CRIM1: variants seen among roughly 807,000 people sequenced by gnomAD.
CRIM1 encodes the protein cysteine-rich motor neuron 1 protein.
A neutral mutation model predicts 116.4 loss-of-function variants in CRIM1; 32 were observed. The ratio of observed to expected loss-of-function variants is 0.27; its 90% CI spans 0.21 to 0.37. CRIM1 has a LOEUF of 0.37. Ranked by LOEUF, CRIM1 falls within the 10% of genes least tolerant of loss-of-function variation. The pLI, the probability that CRIM1 is intolerant of heterozygous loss-of-function variation, is 1.00. For missense variants in CRIM1, 1,331 were observed against 1,354.8 expected (o/e 0.98, Z 0.28); for synonymous variants, 590 against 509.2 (o/e 1.16, Z -2.13).
At chr2:36,423,392 A>G (rs1193007801) in intron 2 of CRIM1, among the ~76,000 whole-genome samples, 1 of 152,084 alleles carries the variant, frequency 6.6e-6, no homozygotes, top group Non-Finnish European at 1.5e-5. Context: ...CTTGAGACAC[A>G]CCCTCTGCTC....
chr2:36,367,993 T>C (rs540966976), intron 1 of CRIM1, among the ~76,000 whole-genome samples: 2 of 152,304 alleles, frequency 1.3e-5, no homozygotes, highest in East Asian at 3.9e-4. Context: ...GGCCAAAACT[T>C]GCCCAAATTC....
chr2:36,392,232 A>T (rs1330235550), intron 1 of CRIM1, among the ~76,000 whole-genome samples: 2 of 152,238 alleles, frequency 1.3e-5, no homozygotes, highest in African/African-American at 2.4e-5. Flanking sequence ...ATTTGAATAT[A>T]TTTATGAAAT....
chr2:36,433,340 A>G (rs781381594), intron 2 of CRIM1, among the ~76,000 whole-genome samples: 2 of 152,148 alleles, frequency 1.3e-5, no homozygotes, highest in Non-Finnish European at 2.9e-5. Flanking sequence ...ATCGTTTGGG[A>G]AGAAAAGATG....
At chr2:36,485,017 A>T (rs1179984794) in intron 7 of CRIM1, among the ~76,000 whole-genome samples, 2 of 152,244 alleles carry the variant, frequency 1.3e-5, no homozygotes, top group Non-Finnish European at 2.9e-5. Context: ...CATAGTATTC[A>T]GTATTTTTTA....
chr2:36,482,534 A>G lies in CRIM1; in HGVS notation c.1372+2840A>G, dbSNP rs549096357. 6.6e-5 allele frequency among the ~76,000 whole-genome samples: 10 copies of G among 152,370 alleles called. No homozygotes were observed. In the South Asian group the frequency reaches 1.9e-3, roughly 28 times the overall value. On this transcript the variant is annotated intron_variant, in intron 7 of 16. Transcript: ENST00000280527. The stretch of plus-strand genomic sequence containing the variant: ...CAGTCATTCAATATCATACTTAAAT[A>G]TAATTTCAAATGATTTCAGAGTAGC...
At chr2:36,512,160 T>C in intron 9 of CRIM1, 113 bp from the exon 10 acceptor site, 1 of 1,281,190 alleles carries the variant, frequency 7.8e-7, no homozygotes, top group Non-Finnish European at 1.1e-6. Context: ...AGAGCAAAAG[T>C]CAAGTCATTC....
At chr2:36,501,752 G>A (rs1681017225) in intron 8 of CRIM1, among the ~76,000 whole-genome samples, 1 of 149,100 alleles carries the variant, frequency 6.7e-6, no homozygotes, top group African/African-American at 2.5e-5. Flanking sequence ...AAAAACTCTT[G>A]TTGAGCTTGT....
chr2:36,386,668 A>G (rs1228214358), intron 1 of CRIM1, among the ~76,000 whole-genome samples: 2 of 152,240 alleles, frequency 1.3e-5, no homozygotes, highest in African/African-American at 4.8e-5. Flanking sequence ...AGTGATGAAG[A>G]GTAAAAAGTA....
chr2:36,503,879 A>G (rs1238356820), intron 8 of CRIM1, among the ~76,000 whole-genome samples: 2 of 149,354 alleles, frequency 1.3e-5, no homozygotes, highest in East Asian at 3.9e-4. Flanking sequence ...TAGCTTCTAG[A>G]TTTTTTTTTT....
intron 1 of CRIM1, among the ~76,000 whole-genome samples, chr2:36,362,858 A>G (rs894929041): frequency 9.2e-5 from 14 of 152,110 alleles, no homozygotes; most frequent in Non-Finnish European, 2.9e-5. Context: ...GTCCCAGTTA[A>G]TTCCCCACAT....
intron 1 of CRIM1, among the ~76,000 whole-genome samples, chr2:36,390,334 T>C (rs1343657609): frequency 6.6e-6 from 1 of 152,148 alleles, no homozygotes; most frequent in African/African-American, 2.4e-5. Context: ...TCTGTGTGTA[T>C]AGAGGATAAA....
chr2:36,402,294 C>A (rs1672466520), intron 2 of CRIM1, among the ~76,000 whole-genome samples: 2 of 152,128 alleles, frequency 1.3e-5, no homozygotes, highest in Non-Finnish European at 2.9e-5. Flanking sequence ...GCAGTCCAAA[C>A]TGAAATCTCA....
intron 2 of CRIM1, among the ~76,000 whole-genome samples, chr2:36,422,338 G>A (rs1395674613): frequency 3.3e-5 from 5 of 152,012 alleles, no homozygotes; most frequent in Non-Finnish European, 7.4e-5. Flanking sequence ...TATATGTGGG[G>A]ATATACCTGT....
chr2:36,524,401 G>A (rs1222627169), intron 13 of CRIM1, among the ~76,000 whole-genome samples: 4 of 152,176 alleles, frequency 2.6e-5, no homozygotes, highest in Non-Finnish European at 5.9e-5. Flanking sequence ...TAAGGGGAAA[G>A]TATAGCCAAT....
intron 2 of CRIM1, among the ~76,000 whole-genome samples, chr2:36,422,197 G>T (rs551746865): frequency 2.7e-5 from 4 of 150,674 alleles, no homozygotes; most frequent in South Asian, 4.2e-4. Context: ...TTGTTTCTTG[G>T]GGGATTTGTC....
intron 2 of CRIM1, among the ~76,000 whole-genome samples, chr2:36,440,334 A>G (rs1675708709): frequency 6.6e-6 from 1 of 152,222 alleles, no homozygotes; most frequent in Non-Finnish European, 1.5e-5. Context: ...ATTGCCTGGT[A>G]CTAACTGGCA....
chr2:36,516,614 T>C (rs537020352), intron 11 of CRIM1, among the ~76,000 whole-genome samples: 9 of 151,968 alleles, frequency 5.9e-5, no homozygotes, highest in South Asian at 4.2e-4. Context: ...ATGTTTAGTC[T>C]CAGGTGAGGG....
At chr2:36,374,208 G>C (rs533025274) in intron 1 of CRIM1, among the ~76,000 whole-genome samples, 1 of 152,314 alleles carries the variant, frequency 6.6e-6, no homozygotes, top group South Asian at 2.1e-4. Flanking sequence ...CTCGTGAAAG[G>C]AGACCGAAGC....
intron 13 of CRIM1, among the ~76,000 whole-genome samples, chr2:36,531,441 A>G (rs1572941620): frequency 6.6e-6 from 1 of 151,094 alleles, no homozygotes; most frequent in East Asian, 1.9e-4. Flanking sequence ...TATATCCTAC[A>G]TCATGGTCAG....
Sources: gnomAD v4.1 joint callset for allele counts (sites outside exome capture counted in the v4.1 genomes callset) on GRCh38, gnomAD v4.1.1 for gene constraint, MANE v1.5 for transcripts, NCBI Gene and HGNC (gene_info 2026-07-23, HGNC 2026-07-21) for gene names.